Variants in EFCAB11 observed in about 807,000 individuals in gnomAD.
EFCAB11 encodes the protein EF-hand calcium-binding domain-containing protein 11.
EFCAB11 carries 14 observed loss-of-function variants against 23.0 expected under a neutral mutation model. The ratio of observed to expected loss-of-function variants is 0.61; its 90% CI spans 0.40 to 0.95. The LOEUF is 0.95. EFCAB11 is among the 40% of genes least tolerant of loss of function. The probability of loss-of-function intolerance (pLI) is 0.00; values close to 1 mark genes in which losing one functional copy is unlikely to be tolerated. For missense variants in EFCAB11, 198 were observed against 195.8 expected, an observed-to-expected ratio of 1.01 and a Z score of -0.07; for synonymous variants, 65 against 66.6, an observed-to-expected ratio of 0.98 and a Z score of 0.11.
At chr14:89,924,476 T>G (rs1314698938) in intron 5 of EFCAB11, 8 of 1,384,206 alleles carry the variant, frequency 5.8e-6, no homozygotes, top group Non-Finnish European at 7.5e-6. Flanking sequence ...TTTTGCCAAC[T>G]GACAGGTGGT....
chr14:89,806,281 G>C (rs1316340596), intron 5 of EFCAB11, among the ~76,000 whole-genome samples: 2 of 152,148 alleles, frequency 1.3e-5, no homozygotes, highest in East Asian at 1.9e-4. Flanking sequence ...TATAATTTCA[G>C]TATGTCATTT....
At chr14:89,937,871 A>C (rs113998158) in intron 3 of EFCAB11, 5 of 152,290 alleles carry the variant, frequency 3.3e-5, no homozygotes, top group Non-Finnish European at 4.4e-5. Flanking sequence ...ACATGTATAT[A>C]TATCTATGAC....
chr14:89,929,333 A>G (rs1253828454), intron 5 of EFCAB11, among the ~76,000 whole-genome samples: 1 of 152,138 alleles, frequency 6.6e-6, no homozygotes, highest in East Asian at 1.9e-4. Context: ...TACAGGCATG[A>G]ACCACCACAC....
At chr14:89,953,798 G>T in intron 2 of EFCAB11, 108 bp downstream of exon 2, 1 of 847,248 alleles carries the variant, frequency 1.2e-6, no homozygotes, top group Non-Finnish European at 1.8e-6. Flanking sequence ...CTCTGAAATT[G>T]CTTATAAAGC....
intron 5 of EFCAB11, among the ~76,000 whole-genome samples, chr14:89,826,496 G>T (rs1332534232): frequency 1.3e-5 from 2 of 151,996 alleles, no homozygotes; most frequent in Non-Finnish European, 2.9e-5. Flanking sequence ...GTCATTGGAG[G>T]TTTTAGGCAG....
At chr14:89,802,650 C>T (rs1255942030) in intron 5 of EFCAB11, among the ~76,000 whole-genome samples, 2 of 152,154 alleles carry the variant, frequency 1.3e-5, no homozygotes, top group Non-Finnish European at 2.9e-5. Context: ...GCCTTGGCCT[C>T]CCATAGTGCT....
chr14:89,799,773 A>G (rs1885708851), intron 5 of EFCAB11, among the ~76,000 whole-genome samples: 1 of 152,168 alleles, frequency 6.6e-6, no homozygotes. Context: ...GAATGAATGA[A>G]TTTGTGGAAC....
chr14:89,920,284 A>T (rs1461551873), intron 5 of EFCAB11, among the ~76,000 whole-genome samples: 1 of 152,220 alleles, frequency 6.6e-6, no homozygotes, highest in Non-Finnish European at 1.5e-5. Flanking sequence ...TCATAGGAAC[A>T]GGGAAAAGCC....
rs192993365 is a variant in EFCAB11 at position 89,905,650 on chromosome 14, T to C, written c.410+25891A>G. Reference sequence around the variant, plus strand: ...ATGTAGAAAATGCGCACAAAGTATTTAGGTAACTAGTTCATCTGGAGAGAA... The same window carrying C: ...ATGTAGAAAATGCGCACAAAGTATTCAGGTAACTAGTTCATCTGGAGAGAA... On this transcript the variant is annotated intron_variant, in intron 5 of 5. Coordinates refer to ENST00000316738, the MANE Select transcript of EFCAB11 (RefSeq NM_145231.4). Among the ~76,000 whole-genome samples the C allele has an allele frequency of 5.9e-5, 9 of 152,236 alleles. No individual in the cohort carries two copies. The East Asian group carries it at 1.5e-3, about 26-fold the overall frequency.
At chr14:89,836,167 C>T (rs931959715) in intron 5 of EFCAB11, among the ~76,000 whole-genome samples, 7 of 151,232 alleles carry the variant, frequency 4.6e-5, no homozygotes, top group Admixed American at 2.6e-4. Flanking sequence ...CAAGGGACTA[C>T]AGGTCTTGAT....
chr14:89,867,790 T>C (rs894744448), intron 5 of EFCAB11, among the ~76,000 whole-genome samples: 2 of 152,180 alleles, frequency 1.3e-5, no homozygotes, highest in East Asian at 1.9e-4. Context: ...ATGAGAGTTT[T>C]GCTGGGTTGG....
intron 5 of EFCAB11, among the ~76,000 whole-genome samples, chr14:89,825,770 G>A (rs543673470): frequency 8.5e-4 from 129 of 152,182 alleles, no homozygotes; most frequent in African/African-American, 3.1e-3. Context: ...GAAAGAGAGC[G>A]AGTGCAAGTG....
At chr14:89,894,923 A>C (rs1037176843) in intron 5 of EFCAB11, among the ~76,000 whole-genome samples, 3 of 152,236 alleles carry the variant, frequency 2.0e-5, no homozygotes, top group African/African-American at 7.2e-5. Context: ...CAAAAGAAGA[A>C]AAAAAGCTGT....
In EFCAB11 at chr14:89,915,553, G is replaced by A. The variant is rs376201636; in HGVS notation, c.410+15988C>T. ...TGCATTTATTTCATATTTAATTTAC[G>A]GTGAATCAATTTATTTTAGTCACTA... is the stretch of plus-strand genomic sequence containing the variant. On this transcript the variant is annotated intron_variant, in intron 5 of 5. Coordinates refer to ENST00000316738, the MANE Select transcript of EFCAB11 (RefSeq NM_145231.4). 4.6e-5 allele frequency among the ~76,000 whole-genome samples: 7 copies of A among 152,096 alleles called. No individual in the cohort carries two copies. The South Asian group carries it at 6.2e-4, about 14-fold the overall frequency.
chr14:89,813,248 A>G lies in EFCAB11; in HGVS notation c.411-15924T>C, dbSNP rs545877512. On this transcript the variant is annotated intron_variant, in intron 5 of 5. Coordinates refer to ENST00000316738, the MANE Select transcript of EFCAB11 (RefSeq NM_145231.4). ...AATTTGTTTATTAGGCAATTGGGTA[A>G]GAAGAACCAGGAGCTGTAAAAATGA... is the stretch of plus-strand genomic sequence containing the variant. 2.6e-3 allele frequency among the ~76,000 whole-genome samples: 403 copies of G among 152,336 alleles called. 1 individual carries two copies. Among genetic ancestry groups the G allele is most frequent in the Non-Finnish European group, 4.5e-3 (303 of 68,028 alleles).
At chr14:89,932,379 G>A (rs905836803) in intron 4 of EFCAB11, 147 bp downstream of exon 4, 1 of 607,324 alleles carries the variant, frequency 1.6e-6, no homozygotes, top group South Asian at 2.4e-5. Flanking sequence ...AGAAAAAAAT[G>A]TGCATCAATA....
chr14:89,890,230 A>G (rs1888921396), intron 5 of EFCAB11, among the ~76,000 whole-genome samples: 1 of 152,228 alleles, frequency 6.6e-6, no homozygotes. Flanking sequence ...TGACATGATC[A>G]CTAAATTACA....
intron 5 of EFCAB11, among the ~76,000 whole-genome samples, chr14:89,811,939 T>C (rs1330184930): frequency 6.6e-6 from 1 of 152,206 alleles, no homozygotes; most frequent in Non-Finnish European, 1.5e-5. Flanking sequence ...ACAAAGAACA[T>C]GGACATTGGA....
At position 89,925,647 on chromosome 14, in the gene EFCAB11, T is replaced by C. The variant is rs532056990; in HGVS notation, c.410+5894A>G. On this transcript the variant is annotated intron_variant, in intron 5 of 5. Transcript: ENST00000316738. The stretch of plus-strand genomic sequence containing the variant: ...AGAGGAATACAAAGTTATGTTTCTT[T>C]CTTTTTTTTTTTTTTTGAGATGGAG... Among the ~76,000 whole-genome samples, 343 of 130,562 alleles carry C rather than the reference T, an allele frequency of 2.6e-3. 2 individuals are homozygous for C. The highest frequency in any genetic ancestry group is 4.2e-3 in the Non-Finnish European group (279 of 66,794). The allele number at this position is 130,562 out of a possible 152,430, so 85.7% of individuals were successfully genotyped here.
Sources: gnomAD v4.1 joint callset for allele counts (sites outside exome capture counted in the v4.1 genomes callset) on GRCh38, gnomAD v4.1.1 for gene constraint, MANE v1.5 for transcripts, NCBI Gene and HGNC (gene_info 2026-07-23, HGNC 2026-07-21) for gene names.